The following SAP130 variants were observed in gnomAD, a reference collection of about 807,000 sequenced individuals.
The protein encoded by SAP130 is Sin3A associated protein 130.
SAP130 carries 16 observed loss-of-function variants against 103.2 expected under a neutral mutation model. The observed-to-expected ratio is 0.16, with a 90% confidence interval of 0.10 to 0.24. SAP130 has a LOEUF of 0.24. Ranked by LOEUF, SAP130 falls within the 10% of genes least tolerant of loss-of-function variation. The pLI is 1.00. For missense variants in SAP130, 990 were observed against 1,359.7 expected, an observed-to-expected ratio of 0.73 and a Z score of 4.28; for synonymous variants, 477 against 497.0, an observed-to-expected ratio of 0.96 and a Z score of 0.53.
intron 16 of SAP130, 63 bp from the exon 17 acceptor site, chr2:127,950,471 C>T: frequency 6.3e-7 from 1 of 1,575,366 alleles, no homozygotes; most frequent in Non-Finnish European, 8.7e-7. Context: ...AGTTTCACTT[C>T]CTTCCTTCCA....
At chr2:127,970,657 T>C (rs1464640459) in intron 15 of SAP130, among the ~76,000 whole-genome samples, 2 of 151,372 alleles carry the variant, frequency 1.3e-5, no homozygotes, top group African/African-American at 4.9e-5. Flanking sequence ...CACCGCTCAC[T>C]GTACTCCAGC....
At chr2:127,993,724 GA>G (rs1421707582) in intron 11 of SAP130, among the ~76,000 whole-genome samples, 14 of 152,020 alleles carry the variant, frequency 9.2e-5, no homozygotes, top group Non-Finnish European at 1.9e-4. Context: ...AGAAACAATG[GA>G]AAGAAAAAAT....
At chr2:127,968,673 G>A (rs1024472372) in intron 15 of SAP130, among the ~76,000 whole-genome samples, 7 of 151,706 alleles carry the variant, frequency 4.6e-5, no homozygotes, top group Non-Finnish European at 7.4e-5. Context: ...GCACCACTAC[G>A]CCTGGCTAAT....
intron 15 of SAP130, among the ~76,000 whole-genome samples, chr2:127,976,901 A>C (rs1463052400): frequency 6.6e-6 from 1 of 152,030 alleles, no homozygotes; most frequent in Non-Finnish European, 1.5e-5. Context: ...CTCTGTCTCA[A>C]AACAAACGAA....
Position 128,017,695 on chromosome 2 carries a change from C to A in SAP130, c.333G>T (p.Ser111=). Residue 111 remains serine (S), a synonymous_variant, in exon 3 of 21, where the codon TCG becomes TCT. Transcript: ENST00000643581. The part of the protein sequence containing the change: ...HLTPAVPLSF[S]EGLMKPPPKP... The stretch of plus-strand genomic sequence containing the variant: ...TCTCCATTACCTTCATAAGTCCCTC[C>A]GAAAATGAAAGTGGCACTGCTGGCG... The A allele has an allele frequency of 6.2e-7, 1 of 1,614,168 alleles. No homozygotes were observed. The highest frequency in any genetic ancestry group is 8.5e-7 in the Non-Finnish European group (1 of 1,180,016).
chr2:127,976,624 A>G (rs1305127807), intron 15 of SAP130, among the ~76,000 whole-genome samples: 1 of 152,250 alleles, frequency 6.6e-6, no homozygotes, highest in Non-Finnish European at 1.5e-5. Flanking sequence ...AGAATCTATC[A>G]ACTGGGGCCG....
At chr2:128,022,499 G>A (rs542533265) in intron 2 of SAP130, among the ~76,000 whole-genome samples, 4 of 152,358 alleles carry the variant, frequency 2.6e-5, no homozygotes, top group South Asian at 2.1e-4. Context: ...GCTCAGTGGT[G>A]TGGTAAGTGT....
At position 127,996,909 on chromosome 2, in the gene SAP130, CCT is replaced by C. The variant is rs1683213733; in HGVS notation, c.1214-420_1214-419del. Among the ~76,000 whole-genome samples the C allele has an allele frequency of 6.6e-6, 1 of 151,968 alleles. No homozygotes were observed. The highest frequency in any genetic ancestry group is 2.4e-5 in the African/African-American group (1 of 41,346). On this transcript the variant is annotated intron_variant, in intron 10 of 20. Transcript: ENST00000643581. The surrounding 1 kb of genome is among the most constrained non-coding windows in gnomAD (Gnocchi z 4.3). ...TCCAGCCTCACTCACAGACTGGGAC[CCT>C]GTCTCAAAATAAATAAATAAACACA...
intron 15 of SAP130, among the ~76,000 whole-genome samples, chr2:127,977,756 C>A (rs928218873): frequency 6.6e-6 from 1 of 152,154 alleles, no homozygotes; most frequent in African/African-American, 2.4e-5. Flanking sequence ...AGTGGTGGCA[C>A]ACGTCTATAG....
intron 15 of SAP130, among the ~76,000 whole-genome samples, chr2:127,962,096 C>G (rs967926640): frequency 6.6e-6 from 1 of 152,128 alleles, no homozygotes; most frequent in African/African-American, 2.4e-5. Flanking sequence ...GTAAGTATTG[C>G]GAAGTTGCCT....
chr2:127,963,253 A>G lies in SAP130; in HGVS notation c.2064-7909T>C, dbSNP rs527255621. ...AATTTCTCTCTCTCTTATTAAAGAC[A>G]GGGTCTCACTCTATCACCCAGACTG... On this transcript the variant is annotated intron_variant, in intron 15 of 20. Transcript: ENST00000643581. Among the ~76,000 whole-genome samples the G allele has an allele frequency of 7.9e-5, 12 of 152,256 alleles. No homozygotes were observed. The South Asian group carries it at 2.5e-3, about 32-fold the overall frequency.
At position 128,000,405 on chromosome 2, in the gene SAP130, G is replaced by C. The variant is rs771733411; in HGVS notation, c.919C>G (p.Gln307Glu). 2 of 1,614,172 alleles carry C rather than the reference G, an allele frequency of 1.2e-6. No homozygotes were observed. The highest frequency in any genetic ancestry group is 1.7e-6 in the Non-Finnish European group (2 of 1,180,018). ...QHPPSAAISI[Q>E]RPAQSRDVTT... ...ACATCTCGTGACTGGGCAGGACGCT[G>C]AATACTGATTGCTGCAGATGGAGGA... The change falls in exon 8 of 21, where the codon CAG (glutamine) becomes GAG (glutamate). Residue 307 changes from glutamine (Q) to glutamate (E), a missense_variant. Gln to Glu is a conservative substitution (Grantham distance 29). This residue lies in a region of SAP130 where 336 missense variants were observed against 520.1 expected (regional missense o/e 0.65). Transcript: ENST00000643581.
chr2:127,949,229 A>T (rs1181186074), intron 18 of SAP130, among the ~76,000 whole-genome samples: 1 of 152,210 alleles, frequency 6.6e-6, no homozygotes, highest in Non-Finnish European at 1.5e-5. Context: ...AATTATCTAG[A>T]GGCTCACATT....
In SAP130 at chr2:127,955,882, T is replaced by C. The variant is rs1371489777; in HGVS notation, c.2064-538A>G. On this transcript the variant is annotated intron_variant, in intron 15 of 20. Coordinates refer to ENST00000643581, the MANE Select transcript of SAP130 (RefSeq NM_001330301.2). The surrounding 1 kb of genome is among the most constrained non-coding windows in gnomAD (Gnocchi z 4.9). The stretch of plus-strand genomic sequence containing the variant: ...TACTGTATGTCCTGCTCCCAAGTTT[T>C]TATAAGCAGTAATAAAATTAACTAA... Among the ~76,000 whole-genome samples, 1 of 152,068 alleles carries C rather than the reference T, an allele frequency of 6.6e-6. No individual in the cohort carries two copies. Among genetic ancestry groups the C allele is most frequent in the Non-Finnish European group, 1.5e-5 (1 of 68,034 alleles).
At chr2:128,027,046 G>A (rs1348868703) in intron 1 of SAP130, 1 of 1,381,620 alleles carries the variant, frequency 7.2e-7, no homozygotes, top group Non-Finnish European at 9.5e-7. Flanking sequence ...GGTGCGGACG[G>A]GCGATCTGGG....
rs775505207 is a variant in SAP130, at chr2:128,010,373, G to C, written c.765C>G (p.Thr255=). The change falls in exon 7 of 21, where the codon ACC becomes ACG. Residue 255 remains threonine, a synonymous_variant. Transcript: ENST00000643581. ...CCACAGCAGGAGGGATGGCATTGGA[G>C]GTGGTCACAGGTGGCCGAGACTACC... ...QPIQSRPPVT[T]SNAIPPAVVA... is the part of the protein sequence containing the mutation. 1.9e-6 allele frequency: 3 copies of C among 1,612,504 alleles called. No individual in the cohort carries two copies. In the Admixed American group the frequency reaches 5.0e-5, roughly 27 times the overall value.
At chr2:127,995,231 A>G (rs555169384) in intron 11 of SAP130, among the ~76,000 whole-genome samples, 1 of 152,366 alleles carries the variant, frequency 6.6e-6, no homozygotes, top group African/African-American at 2.4e-5. Flanking sequence ...TAATGCCCAG[A>G]TCTTGGTTTG....
intron 2 of SAP130, among the ~76,000 whole-genome samples, chr2:128,020,723 G>A (rs748197426): frequency 1.8e-4 from 28 of 152,160 alleles, no homozygotes; most frequent in Non-Finnish European, 8.8e-5. Context: ...ATGGGGCCGG[G>A]CACAGTGGCT....
In SAP130 at chr2:127,950,336, G is replaced by A; in HGVS notation, c.2495C>T (p.Thr832Ile). Residue 832 changes from threonine (T) to isoleucine (I), a missense_variant, in exon 17 of 21, where the codon ACA (threonine) becomes ATA (isoleucine). Around this residue, in one of 6 missense-constraint regions of SAP130, gnomAD observed 349 missense variants for 384.1 expected, o/e 0.91. Coordinates refer to ENST00000643581, the MANE Select transcript of SAP130 (RefSeq NM_001330301.2). ...ALLANNLSMP[T>I]SDLPPGASPR... The stretch of plus-strand genomic sequence containing the variant: ...GGAGGCACCAGGTGGTAGGTCACTT[G>A]TAGGCATGGACAAGTTGTTTGCCAG... The A allele has an allele frequency of 6.2e-7, 1 of 1,614,202 alleles. No homozygotes were observed. The highest frequency in any genetic ancestry group is 8.5e-7 in the Non-Finnish European group (1 of 1,180,030).
Sources: allele counts gnomAD v4.1 joint callset (sites outside exome capture counted in the v4.1 genomes callset), GRCh38; gene constraint gnomAD v4.1.1; regional missense constraint gnomAD v4.1.1; non-coding constraint Gnocchi (gnomAD v3.1); transcripts MANE v1.5; gene names NCBI Gene and HGNC (gene_info 2026-07-23, HGNC 2026-07-21).